EYA4: variants seen among roughly 807,000 people sequenced by gnomAD.
EYA4 encodes protein phosphatase EYA4.
In EYA4, 31 loss-of-function variants were observed where a neutral mutation model predicts 87.9. That is an observed-to-expected ratio of 0.35 (90% CI 0.27 to 0.48). The LOEUF (loss-of-function observed/expected upper bound fraction) is 0.48, where lower values mean the gene tolerates loss of function less well. Ranked by LOEUF, EYA4 falls within the 20% of genes least tolerant of loss-of-function variation. The pLI is 0.99. For missense variants in EYA4, 678 were observed against 761.4 expected (o/e 0.89, Z 1.29); for synonymous variants, 263 against 270.6 (o/e 0.97, Z 0.28).
chr6:133,294,758 T>G (rs1193519615), intron 2 of EYA4, among the ~76,000 whole-genome samples: 3 of 152,024 alleles, frequency 2.0e-5, no homozygotes, highest in Non-Finnish European at 4.4e-5. Context: ...ATTTTATTTT[T>G]TTAGTAGAGA....
At chr6:133,393,147 T>C (rs1010192645) in intron 3 of EYA4, among the ~76,000 whole-genome samples, 13 of 152,274 alleles carry the variant, frequency 8.5e-5, no homozygotes, top group African/African-American at 2.9e-4. Flanking sequence ...AGAGCATCTG[T>C]AGTGCAGAAA....
intron 2 of EYA4, among the ~76,000 whole-genome samples, chr6:133,310,899 T>G (rs1470192677): frequency 1.3e-5 from 2 of 152,244 alleles, no homozygotes; most frequent in Non-Finnish European, 2.9e-5. Context: ...TTGTATTAGA[T>G]TTCTAGAAGG....
At chr6:133,318,781 T>C (rs1780822140) in intron 2 of EYA4, among the ~76,000 whole-genome samples, 2 of 152,304 alleles carry the variant, frequency 1.3e-5, no homozygotes, top group African/African-American at 4.8e-5. Flanking sequence ...GTACTCTCAT[T>C]TGTATGTAAG....
chr6:133,282,401 T>C (rs1171611642), intron 2 of EYA4, among the ~76,000 whole-genome samples: 3 of 152,194 alleles, frequency 2.0e-5, no homozygotes, highest in Non-Finnish European at 4.4e-5. Flanking sequence ...TTGAGAAATG[T>C]CTGTTCATAT....
Position 133,530,908 on chromosome 6 carries a change from T to A in EYA4, c.*2103T>A. 3 of 1,105,194 alleles carry A rather than the reference T, an allele frequency of 2.7e-6. No homozygotes were observed. Among genetic ancestry groups the A allele is most frequent in the Non-Finnish European group, 3.3e-6 (3 of 906,872 alleles). 68.5% of individuals were successfully genotyped at this position (1,105,194 alleles called of 1,614,324 possible). ...AGCTTGAAAATAGCAGTTAAAAAAA[T>A]TTAAATGTTGCCTTGATTATCAGTA... On this transcript the variant is annotated 3_prime_UTR_variant, in exon 20 of 20. Transcript: ENST00000355286.
chr6:133,351,114 C>T (rs887514876), intron 2 of EYA4, among the ~76,000 whole-genome samples: 3 of 152,096 alleles, frequency 2.0e-5, no homozygotes, highest in African/African-American at 7.2e-5. Flanking sequence ...TGTTAAGTAA[C>T]TTCCGAATCA....
chr6:133,427,027 T>TTTTTGTCTGTA (rs1790736781), intron 3 of EYA4, among the ~76,000 whole-genome samples: 1 of 152,192 alleles, frequency 6.6e-6, no homozygotes, highest in African/African-American at 2.4e-5. Context: ...AGGCAGAGAA[T>TTTTTGTCTGTA]TTTTGTCTGT....
chr6:133,478,779 C>T (rs1795959769), intron 11 of EYA4, among the ~76,000 whole-genome samples: 1 of 152,128 alleles, frequency 6.6e-6, no homozygotes, highest in Non-Finnish European at 1.5e-5. Flanking sequence ...CCAGATACGT[C>T]CTACAACCAC....
intron 13 of EYA4, among the ~76,000 whole-genome samples, chr6:133,495,071 C>A (rs1797519741): frequency 6.6e-6 from 1 of 151,998 alleles, no homozygotes; most frequent in African/African-American, 2.4e-5. Context: ...GAGTTCAAGA[C>A]CAGCCTGGCC....
At chr6:133,289,571 A>G (rs1005196271) in intron 2 of EYA4, among the ~76,000 whole-genome samples, 7 of 152,230 alleles carry the variant, frequency 4.6e-5, no homozygotes, top group Non-Finnish European at 7.3e-5. Flanking sequence ...AAACACTTCT[A>G]AGATTAATGA....
chr6:133,270,086 G>T (rs1963707), intron 1 of EYA4, among the ~76,000 whole-genome samples: 141 of 152,256 alleles, frequency 9.3e-4, no homozygotes, highest in African/African-American at 3.3e-3. Flanking sequence ...ATTAAGGGTG[G>T]ATCTGCCTTC....
At chr6:133,355,971 G>T (rs1783988153) in intron 2 of EYA4, among the ~76,000 whole-genome samples, 1 of 151,916 alleles carries the variant, frequency 6.6e-6, no homozygotes, top group African/African-American at 2.4e-5. Flanking sequence ...AGATCAAGGT[G>T]CCAGCATGAT....
chr6:133,267,868 G>A (rs954841017), intron 1 of EYA4, among the ~76,000 whole-genome samples: 3 of 152,068 alleles, frequency 2.0e-5, no homozygotes, highest in African/African-American at 4.8e-5. Flanking sequence ...TTAATACTGG[G>A]TAAAAGGGCT....
chr6:133,422,711 T>C (rs888566983), intron 3 of EYA4, among the ~76,000 whole-genome samples: 8 of 152,182 alleles, frequency 5.3e-5, no homozygotes, highest in African/African-American at 1.9e-4. Context: ...TAATAACATT[T>C]TGTAAAAATA....
intron 3 of EYA4, among the ~76,000 whole-genome samples, chr6:133,383,556 A>G (rs1266188924): frequency 7.2e-6 from 1 of 139,362 alleles, no homozygotes; most frequent in African/African-American, 2.6e-5. Flanking sequence ...TGTAATGGCC[A>G]TTATGTTTTT....
intron 14 of EYA4, among the ~76,000 whole-genome samples, chr6:133,512,431 TTTC>T (rs1229124266): frequency 6.6e-6 from 1 of 152,210 alleles, no homozygotes; most frequent in Non-Finnish European, 1.5e-5. Context: ...TTCAAGAGAA[TTTC>T]TTATCAATAA....
intron 2 of EYA4, among the ~76,000 whole-genome samples, chr6:133,343,321 A>G (rs1782940599): frequency 1.3e-5 from 2 of 152,030 alleles, no homozygotes; most frequent in South Asian, 4.1e-4. Flanking sequence ...TTGATTGTTG[A>G]TTTATTTCTT....
chr6:133,426,990 C>A (rs78050095), intron 3 of EYA4, among the ~76,000 whole-genome samples: 2,532 of 152,278 alleles, frequency 0.017, 77 homozygotes, highest in African/African-American at 0.057. Context: ...TTCCCCCCTA[C>A]CCTATACTAG....
chr6:133,362,409 C>G (rs993525552), intron 2 of EYA4, among the ~76,000 whole-genome samples: 5 of 152,184 alleles, frequency 3.3e-5, no homozygotes, highest in African/African-American at 1.2e-4. Context: ...AAATGAGAAA[C>G]TGACCTAATG....
Sources: allele counts gnomAD v4.1 joint callset (sites outside exome capture counted in the v4.1 genomes callset), GRCh38; gene constraint gnomAD v4.1.1; transcripts MANE v1.5; gene names NCBI Gene and HGNC (gene_info 2026-07-23, HGNC 2026-07-21).